POT1: variants seen among roughly 807,000 people sequenced by gnomAD.
POT1 encodes protection of telomeres 1.
POT1 carries 47 observed loss-of-function variants against 78.5 expected under a neutral mutation model. That is an observed-to-expected ratio of 0.60 (90% CI 0.47 to 0.76). The LOEUF is 0.76. Ranked by LOEUF, POT1 falls within the 30% of genes least tolerant of loss-of-function variation. The probability of loss-of-function intolerance (pLI) is 0.00; values close to 1 mark genes in which losing one functional copy is unlikely to be tolerated. For missense variants in POT1, 646 were observed against 749.9 expected (o/e 0.86, Z 1.62); for synonymous variants, 259 against 260.7 (o/e 0.99, Z 0.06).
At chr7:124,834,027 A>G (rs1794832863) in intron 15 of POT1, among the ~76,000 whole-genome samples, 1 of 152,216 alleles carries the variant, frequency 6.6e-6, no homozygotes, top group South Asian at 2.1e-4. Flanking sequence ...TCCCTATTTA[A>G]TAAATGTTGG....
chr7:124,872,490 C>T (rs1490441405), intron 6 of POT1, among the ~76,000 whole-genome samples: 2 of 152,150 alleles, frequency 1.3e-5, no homozygotes, highest in East Asian at 3.9e-4. Flanking sequence ...GCCTGTTTGT[C>T]ACTTAGTAGC....
intron 16 of POT1, among the ~76,000 whole-genome samples, chr7:124,828,568 G>A (rs1310377221): frequency 6.6e-6 from 1 of 152,024 alleles, no homozygotes; most frequent in Non-Finnish European, 1.5e-5. Flanking sequence ...GGCTTCAAAA[G>A]GTCTCAATAG....
chr7:124,926,834 A>C lies in POT1; in HGVS notation c.-227+1981T>G, dbSNP rs77443862. 1.3e-3 allele frequency among the ~76,000 whole-genome samples: 192 copies of C among 152,298 alleles called. 1 individual carries two copies. The highest frequency in any genetic ancestry group is 3.4e-3 in the Middle Eastern group (1 of 294). ...TGAAACAACTGAGACACAGAAAGAG[A>C]AATACTGCATGTTCTCACTCAAAAA... On this transcript the variant is annotated intron_variant, in intron 2 of 18. Transcript: ENST00000357628.
chr7:124,832,976 G>C (rs988612237), intron 15 of POT1, among the ~76,000 whole-genome samples: 1 of 152,056 alleles, frequency 6.6e-6, no homozygotes, highest in South Asian at 2.1e-4. Flanking sequence ...AAAATAGAGA[G>C]AAAGGGGAAA....
chr7:124,912,316 C>T (rs1563019520), intron 3 of POT1, among the ~76,000 whole-genome samples: 1 of 151,724 alleles, frequency 6.6e-6, no homozygotes, highest in East Asian at 1.9e-4. Flanking sequence ...TTTTAGATAC[C>T]CTGAGCCTCT....
intron 7 of POT1, among the ~76,000 whole-genome samples, chr7:124,870,193 C>T (rs1795833518): frequency 6.6e-6 from 1 of 152,088 alleles, no homozygotes; most frequent in African/African-American, 2.4e-5. Context: ...TCCAAAGCAT[C>T]ATGTAGTAAT....
chr7:124,925,941 T>C (rs1797261824), intron 2 of POT1, among the ~76,000 whole-genome samples: 1 of 152,074 alleles, frequency 6.6e-6, no homozygotes. Context: ...TATGTCACCA[T>C]ACACGAAAAT....
chr7:124,919,676 A>AGCATCTCTCATCT (rs1797100967), intron 2 of POT1, among the ~76,000 whole-genome samples: 2 of 152,276 alleles, frequency 1.3e-5, no homozygotes, highest in East Asian at 3.9e-4. Context: ...CAAGCCAAGG[A>AGCATCTCTCATCT]GAGAGACCTC....
intron 8 of POT1, among the ~76,000 whole-genome samples, chr7:124,862,491 T>C (rs1795621790): frequency 6.6e-6 from 1 of 152,220 alleles, no homozygotes; most frequent in East Asian, 1.9e-4. Context: ...CTGCAGGGCA[T>C]GTATTTACGA....
At chr7:124,853,288 T>C in intron 9 of POT1, 150 bp from the exon 10 acceptor site, 2 of 594,846 alleles carry the variant, frequency 3.4e-6, no homozygotes, top group South Asian at 2.4e-5. Flanking sequence ...TATACGAGTG[T>C]GGTTGAATAT....
chr7:124,918,682 CAG>C (rs1411671613), intron 2 of POT1, among the ~76,000 whole-genome samples: 1 of 152,126 alleles, frequency 6.6e-6, no homozygotes, highest in African/African-American at 2.4e-5. Flanking sequence ...GAGAGACTTC[CAG>C]AGAGACTGAT....
Position 124,822,465 on chromosome 7 carries a change from T to C in POT1, c.*1497A>G. ...CATCATGAAGATTCATAGGAAGAGT[T>C]TTCCTTTGTTAACGTGGAGATCTTG... On this transcript the variant is annotated 3_prime_UTR_variant, in exon 19 of 19. Transcript: ENST00000357628. The C allele has an allele frequency of 2.4e-6, 1 of 422,742 alleles. No individual in the cohort carries two copies. The highest frequency in any genetic ancestry group is 1.7e-5 in the South Asian group (1 of 60,268). 26.2% of individuals were successfully genotyped at this position (422,742 alleles called of 1,614,324 possible). A position where few individuals can be genotyped will look rare whatever the true frequency, so the allele number is the denominator to read the frequency against.
chr7:124,889,722 C>A (rs1402809416), intron 6 of POT1, among the ~76,000 whole-genome samples: 2 of 151,980 alleles, frequency 1.3e-5, no homozygotes, highest in Non-Finnish European at 2.9e-5. Context: ...TCTGCCTGTG[C>A]TCTTTAATGA....
At chr7:124,826,442 C>T (rs1475927116) in intron 17 of POT1, among the ~76,000 whole-genome samples, 1 of 152,114 alleles carries the variant, frequency 6.6e-6, no homozygotes, top group African/African-American at 2.4e-5. Flanking sequence ...CTAAGAGTGG[C>T]CTTGAGGACT....
chr7:124,845,952 T>C (rs1216276037), intron 12 of POT1, among the ~76,000 whole-genome samples: 1 of 152,150 alleles, frequency 6.6e-6, no homozygotes, highest in Non-Finnish European at 1.5e-5. Context: ...TACTTTCTAG[T>C]ACAAGGTTAC....
At chr7:124,923,273 A>G (rs1668945331) in intron 2 of POT1, among the ~76,000 whole-genome samples, 1 of 151,922 alleles carries the variant, frequency 6.6e-6, no homozygotes, top group African/African-American at 2.4e-5. Context: ...AAGAAATCAG[A>G]AAATGAATTC....
intron 10 of POT1, 135 bp downstream of exon 10, chr7:124,852,837 T>A (rs1348427676): frequency 1.4e-6 from 1 of 721,470 alleles, no homozygotes; most frequent in African/African-American, 1.8e-5. Context: ...ATTTGTTTCA[T>A]TTGGCTCATC....
Position 124,824,006 on chromosome 7 carries a change from A to G in POT1, c.1861T>C (p.Cys621Arg). ...NVTNGTDNQICYQIFDTTVAE... is the reference protein window; with the variant it reads ...NVTNGTDNQIRYQIFDTTVAE... ...ACTGTGGTGTCAAAAATCTGATAGC[A>G]AATTTGATTATCTGTTCCATTTGTG... is the stretch of plus-strand genomic sequence containing the variant. The change falls in exon 19 of 19, where the codon TGC becomes CGC. Residue 621 changes from cysteine (C) to arginine (R), a missense_variant. Cys to Arg is a radical substitution (Grantham distance 180). Around this residue, in one of 2 missense-constraint regions of POT1, gnomAD observed 394 missense variants for 408.4 expected, o/e 0.96. Coordinates refer to ENST00000357628, the MANE Select transcript of POT1 (RefSeq NM_015450.3). 6.2e-7 allele frequency: 1 copy of G among 1,607,840 alleles called. No individual in the cohort carries two copies. Among genetic ancestry groups the G allele is most frequent in the Non-Finnish European group, 8.5e-7 (1 of 1,175,220 alleles).
intron 2 of POT1, among the ~76,000 whole-genome samples, chr7:124,923,356 T>TA (rs1207654605): frequency 1.3e-5 from 2 of 151,572 alleles, no homozygotes; most frequent in Non-Finnish European, 3.0e-5. Context: ...AACCATGAAT[T>TA]AAAAAATTGA....
Sources: allele counts gnomAD v4.1 joint callset (sites outside exome capture counted in the v4.1 genomes callset), GRCh38; gene constraint gnomAD v4.1.1; regional missense constraint gnomAD v4.1.1; transcripts MANE v1.5; gene names NCBI Gene and HGNC (gene_info 2026-07-23, HGNC 2026-07-21).